MRC2: variants seen among roughly 807,000 people sequenced by gnomAD.
The protein encoded by MRC2 is C-type mannose receptor 2.
MRC2 carries 84 observed loss-of-function variants against 206.2 expected under a neutral mutation model. The ratio of observed to expected loss-of-function variants is 0.41; its 90% CI spans 0.34 to 0.49. MRC2 has a LOEUF of 0.49. Ranked by LOEUF, MRC2 falls within the 20% of genes least tolerant of loss-of-function variation. The pLI, the probability that MRC2 is intolerant of heterozygous loss-of-function variation, is 0.31. For missense variants in MRC2, 1,676 were observed against 2,001.5 expected, an observed-to-expected ratio of 0.84 and a Z score of 3.10; for synonymous variants, 798 against 800.0, an observed-to-expected ratio of 1.00 and a Z score of 0.04.
chr17:62,663,238 C>T (rs1214382707), intron 1 of MRC2, among the ~76,000 whole-genome samples: 1 of 140,260 alleles, frequency 7.1e-6, no homozygotes, highest in Non-Finnish European at 1.5e-5. Context: ...TACCATCCAT[C>T]CCTCCCTCCC....
At position 62,671,724 on chromosome 17, in the gene MRC2, C is replaced by T. The variant is rs2088828196; in HGVS notation, c.1193C>T (p.Ala398Val). ...CAGGGCCACTGCTACCGCCTGCAGG[C>T]CGAGAAGCGCAGCTGGCAGGAGTCC... ...PFQGHCYRLQAEKRSWQESKK... is the reference protein window; with the variant it reads ...PFQGHCYRLQVEKRSWQESKK... Residue 398 changes from alanine to valine, a missense_variant, in exon 7 of 30, where the codon GCC becomes GTC. This residue lies in a region of MRC2 where 1,354 missense variants were observed against 1,636.6 expected (regional missense o/e 0.83). Coordinates refer to ENST00000303375, the MANE Select transcript of MRC2 (RefSeq NM_006039.5). This position sits in a 1 kb window ranked among gnomAD's most constrained non-coding sequence, Gnocchi z 4.5. The T allele has an allele frequency of 6.2e-7, 1 of 1,612,928 alleles. No individual in the cohort carries two copies. The highest frequency in any genetic ancestry group is 8.5e-7 in the Non-Finnish European group (1 of 1,179,528).
rs2088726164 is a variant in MRC2, at chr17:62,664,729, C to A, written c.300C>A (p.Gly100=). Residue 100 remains glycine (G), a synonymous_variant, in exon 2 of 30, where the codon GGC becomes GGA. Transcript: ENST00000303375. This position sits in a 1 kb window ranked among gnomAD's most constrained non-coding sequence, Gnocchi z 4.7. The part of the protein sequence containing the change: ...TMQCLGTGWP[G]TNTTASLGMY... The stretch of plus-strand genomic sequence containing the variant: ...AGTGCCTGGGCACAGGCTGGCCAGG[C>A]ACCAACACCACGGCCTCCCTGGGCA... The A allele has an allele frequency of 6.2e-7, 1 of 1,613,856 alleles. No homozygotes were observed. Among genetic ancestry groups the A allele is most frequent in the South Asian group, 1.1e-5 (1 of 91,092 alleles).
At chr17:62,656,365 A>AT (rs553953682) in intron 1 of MRC2, among the ~76,000 whole-genome samples, 1 of 152,052 alleles carries the variant, frequency 6.6e-6, no homozygotes, top group African/African-American at 2.4e-5. Context: ...TAATTTTTAA[A>AT]TTTTTTTGTA....
chr17:62,647,329 G>T (rs968050310), intron 1 of MRC2, among the ~76,000 whole-genome samples: 11 of 151,746 alleles, frequency 7.2e-5, no homozygotes, highest in African/African-American at 2.7e-4. Flanking sequence ...GATTACAGGT[G>T]CATGCCACCA....
In MRC2 at chr17:62,671,728, G is replaced by C. The variant is rs1468749130; in HGVS notation, c.1197G>C (p.Glu399Asp). 1.9e-6 allele frequency: 3 copies of C among 1,613,236 alleles called. No homozygotes were observed. The highest frequency in any genetic ancestry group is 2.5e-6 in the Non-Finnish European group (3 of 1,179,684). Residue 399 changes from glutamate (E) to aspartate (D), a missense_variant, in exon 7 of 30, where the codon GAG (glutamate) becomes GAC (aspartate). This residue lies in a region of MRC2 where 1,354 missense variants were observed against 1,636.6 expected (regional missense o/e 0.83). Transcript: ENST00000303375. The surrounding 1 kb of genome is among the most constrained non-coding windows in gnomAD (Gnocchi z 4.5). The stretch of plus-strand genomic sequence containing the variant: ...GCCACTGCTACCGCCTGCAGGCCGA[G>C]AAGCGCAGCTGGCAGGAGTCCAAGA... ...FQGHCYRLQA[E>D]KRSWQESKKA... is the part of the protein sequence containing the mutation.
rs1407026837 is a variant in MRC2, at chr17:62,680,987, GCAGGC to G, written c.2634+28_2634+32del. 6.2e-7 allele frequency: 1 copy of G among 1,611,806 alleles called. No homozygotes were observed. The highest frequency in any genetic ancestry group is 1.1e-5 in the South Asian group (1 of 91,016). ...TGGGCATTGGATTGAGCAGGGGGCT[GCAGGC>G]TGGGGGAGGGCAGGCCCGGGATGAG... On this transcript the variant is annotated intron_variant, in intron 17 of 29. Transcript: ENST00000303375. This position sits in a 1 kb window ranked among gnomAD's most constrained non-coding sequence, Gnocchi z 4.8.
rs569093567 is a variant in MRC2 at position 62,665,027 on chromosome 17, T to G, written c.520+78T>G. ...GGAGCCATGAGGGACAGATTCCCAG[T>G]GACAAGGCCTTTGGCCTCTGTGGAC... On this transcript the variant is annotated intron_variant, in intron 2 of 29. Coordinates refer to ENST00000303375, the MANE Select transcript of MRC2 (RefSeq NM_006039.5). The G allele has an allele frequency of 1.0e-5, 15 of 1,470,630 alleles. No individual in the cohort carries two copies. In the African/African-American group the frequency reaches 1.7e-4, roughly 16 times the overall value. 91.1% of individuals were successfully genotyped at this position (1,470,630 alleles called of 1,614,324 possible). A position where few individuals can be genotyped will look rare whatever the true frequency, so the allele number is the denominator to read the frequency against.
rs1225839110 is a variant in MRC2 at position 62,664,085 on chromosome 17, A to C, written c.119-463A>C. ...CGCCATTCTCCTGCCTCAGCCTCCC[A>C]AGTAGCTGGGACTACAGGCGCCCGC... On this transcript the variant is annotated intron_variant, in intron 1 of 29. Transcript: ENST00000303375. The surrounding 1 kb of genome is among the most constrained non-coding windows in gnomAD (Gnocchi z 4.7). Among the ~76,000 whole-genome samples the C allele has an allele frequency of 6.8e-6, 1 of 147,254 alleles. No homozygotes were observed. Among genetic ancestry groups the C allele is most frequent in the African/African-American group, 2.5e-5 (1 of 39,650 alleles).
At chr17:62,654,618 A>G (rs986578384) in intron 1 of MRC2, among the ~76,000 whole-genome samples, 1 of 152,094 alleles carries the variant, frequency 6.6e-6, no homozygotes, top group Non-Finnish European at 1.5e-5. Flanking sequence ...CCAGAGACAC[A>G]AACTGTTGTC....
intron 10 of MRC2, 137 bp from the exon 11 acceptor site, chr17:62,676,246 C>A: frequency 9.5e-7 from 1 of 1,051,000 alleles, no homozygotes; most frequent in Non-Finnish European, 1.4e-6. Context: ...AGCTGCAGGG[C>A]TCCCAGGCGT....
Position 62,672,270 on chromosome 17 carries a change from C to T in MRC2, c.1461+118C>T, listed in dbSNP as rs1568064215. On this transcript the variant is annotated intron_variant, in intron 8 of 29. Transcript: ENST00000303375. The surrounding 1 kb of genome is among the most constrained non-coding windows in gnomAD (Gnocchi z 4.5). ...AACCTGCCTGGAACCTCTTACCTCT[C>T]AGCAGTCCCCCTCCTCCCCACCAAT... The T allele has an allele frequency of 2.5e-6, 3 of 1,191,694 alleles. No homozygotes were observed. In the East Asian group the frequency reaches 7.4e-5, roughly 29 times the overall value. The allele number at this position is 1,191,694 out of a possible 1,614,324, so 73.8% of individuals were successfully genotyped here. A position where few individuals can be genotyped will look rare whatever the true frequency, so the allele number is the denominator to read the frequency against.
intron 1 of MRC2, among the ~76,000 whole-genome samples, chr17:62,642,362 CTGT>C (rs2088416780): frequency 6.6e-6 from 1 of 152,222 alleles, no homozygotes; most frequent in Non-Finnish European, 1.5e-5. Context: ...TCCTTCCATT[CTGT>C]CACACCAATG....
chr17:62,641,004 G>A (rs962868190), intron 1 of MRC2, among the ~76,000 whole-genome samples: 17 of 151,476 alleles, frequency 1.1e-4, no homozygotes, highest in Non-Finnish European at 2.1e-4. Flanking sequence ...CACTGTGCCC[G>A]GCCTAATTTT....
chr17:62,665,404 C>T (rs1014351077), intron 2 of MRC2, among the ~76,000 whole-genome samples: 5 of 143,310 alleles, frequency 3.5e-5, no homozygotes, highest in African/African-American at 1.1e-4. Flanking sequence ...GACTCTGTCC[C>T]CCCCCCCACA....
rs368569458 is a variant in MRC2, at chr17:62,690,597, C to G, written c.3893-45C>G. On this transcript the variant is annotated intron_variant, in intron 26 of 29. Transcript: ENST00000303375. Reference sequence around the variant, plus strand: ...GAGCAGCTCTGGGGGACTCTGCCCCCCCCGGAGACCCATCCGCCCTGACGT... The same window carrying G: ...GAGCAGCTCTGGGGGACTCTGCCCCGCCCGGAGACCCATCCGCCCTGACGT... 18 of 1,543,376 alleles carry G rather than the reference C, an allele frequency of 1.2e-5. No individual in the cohort carries two copies. The Admixed American group carries it at 2.4e-4, about 21-fold the overall frequency.
rs1198198031 is a variant in MRC2, at chr17:62,671,402, G to A, written c.1118-247G>A. Reference sequence around the variant, plus strand: ...TCGTATTCTGAGAGCCACAGCCAGAGGAAGTGTTCTGTCCTGGGTGGAATC... The same window carrying A: ...TCGTATTCTGAGAGCCACAGCCAGAAGAAGTGTTCTGTCCTGGGTGGAATC... On this transcript the variant is annotated intron_variant, in intron 6 of 29. Transcript: ENST00000303375. This position sits in a 1 kb window ranked among gnomAD's most constrained non-coding sequence, Gnocchi z 4.5. Among the ~76,000 whole-genome samples the A allele has an allele frequency of 6.6e-6, 1 of 152,190 alleles. No homozygotes were observed. Among genetic ancestry groups the A allele is most frequent in the African/African-American group, 2.4e-5 (1 of 41,452 alleles).
At chr17:62,653,888 C>G (rs2088587530) in intron 1 of MRC2, among the ~76,000 whole-genome samples, 1 of 151,966 alleles carries the variant, frequency 6.6e-6, no homozygotes, top group African/African-American at 2.4e-5. Context: ...AAGCAATGCC[C>G]CCCTCGTCCA....
At position 62,666,999 on chromosome 17, in the gene MRC2, C is replaced by G. The variant is rs1003895989; in HGVS notation, c.973+129C>G. 48 of 748,686 alleles carry G rather than the reference C, an allele frequency of 6.4e-5. No homozygotes were observed. The highest frequency in any genetic ancestry group is 4.8e-4 in the Admixed American group (20 of 41,772). The allele number at this position is 748,686 out of a possible 1,614,324, so 46.4% of individuals were successfully genotyped here. A position where few individuals can be genotyped will look rare whatever the true frequency, so the allele number is the denominator to read the frequency against. ...GTAGGGGAAGCACCGACCTCCACCCCCCTCCCCAGACTGCGCCCCCCTAGC... is the reference window on the plus strand; with the variant it reads ...GTAGGGGAAGCACCGACCTCCACCCGCCTCCCCAGACTGCGCCCCCCTAGC... On this transcript the variant is annotated intron_variant, in intron 5 of 29. Coordinates refer to ENST00000303375, the MANE Select transcript of MRC2 (RefSeq NM_006039.5). The surrounding 1 kb of genome is among the most constrained non-coding windows in gnomAD (Gnocchi z 5.0).
At position 62,680,005 on chromosome 17, in the gene MRC2, G is replaced by T; in HGVS notation, c.2298+103G>T. 1 of 1,457,304 alleles carries T rather than the reference G, an allele frequency of 6.9e-7. No homozygotes were observed. The highest frequency in any genetic ancestry group is 9.3e-7 in the Non-Finnish European group (1 of 1,079,634). 90.3% of individuals were successfully genotyped at this position (1,457,304 alleles called of 1,614,324 possible). ...GTGGGCGGGTTTTCTTGAGGGCCGGGCCCCCAGTCGGAGCCGGCTTCAGGA... is the reference window on the plus strand; with the variant it reads ...GTGGGCGGGTTTTCTTGAGGGCCGGTCCCCCAGTCGGAGCCGGCTTCAGGA... On this transcript the variant is annotated intron_variant, in intron 14 of 29. Coordinates refer to ENST00000303375, the MANE Select transcript of MRC2 (RefSeq NM_006039.5). This position sits in a 1 kb window ranked among gnomAD's most constrained non-coding sequence, Gnocchi z 4.8.
Sources: allele counts gnomAD v4.1 joint callset (sites outside exome capture counted in the v4.1 genomes callset), GRCh38; gene constraint gnomAD v4.1.1; regional missense constraint gnomAD v4.1.1; non-coding constraint Gnocchi (gnomAD v3.1); transcripts MANE v1.5; gene names NCBI Gene and HGNC (gene_info 2026-07-23, HGNC 2026-07-21).